The following OVOL2 variants were observed in gnomAD, a reference collection of about 807,000 sequenced individuals.
OVOL2 encodes transcription factor Ovo-like 2.
A neutral mutation model predicts 18.1 loss-of-function variants in OVOL2; 13 were observed. That is an observed-to-expected ratio of 0.72 (90% CI 0.47 to 1.14). The LOEUF is 1.14. Ranked by LOEUF, OVOL2 falls within the 50% of genes most tolerant of loss-of-function variation. OVOL2 has a pLI of 0.00. For missense variants in OVOL2, 335 were observed against 383.0 expected (o/e 0.87, Z 1.05); for synonymous variants, 166 against 162.7 (o/e 1.02, Z -0.16).
At chr20:18,034,456 C>G (rs1012702762) in intron 3 of OVOL2, among the ~76,000 whole-genome samples, 2 of 152,172 alleles carry the variant, frequency 1.3e-5, no homozygotes, top group African/African-American at 4.8e-5. Context: ...TGACAGCCCT[C>G]CCTCAATAAA....
intron 2 of OVOL2, among the ~76,000 whole-genome samples, chr20:18,043,250 C>T (rs1390121339): frequency 6.6e-6 from 1 of 152,192 alleles, no homozygotes; most frequent in Admixed American, 6.5e-5. Context: ...CCTCCTTGTG[C>T]CTGCATCCTG....
intron 2 of OVOL2, among the ~76,000 whole-genome samples, chr20:18,053,880 C>T (rs953045785): frequency 6.6e-6 from 1 of 152,108 alleles, no homozygotes; most frequent in Admixed American, 6.6e-5. Context: ...CCCAGCAAGC[C>T]CTGTTTCCTA....
intron 3 of OVOL2, among the ~76,000 whole-genome samples, chr20:18,037,150 A>AAGAAAAAAAAAG (rs1555795021): frequency 2.7e-5 from 4 of 147,146 alleles, no homozygotes; most frequent in Non-Finnish European, 4.5e-5. Context: ...AAAAAAAAAA[A>AAGAAAAAAAAAG]AAAGAAAGAA....
chr20:18,031,686 C>A (rs1202411365), intron 3 of OVOL2, among the ~76,000 whole-genome samples: 1 of 152,224 alleles, frequency 6.6e-6, no homozygotes, highest in East Asian at 1.9e-4. Flanking sequence ...TTACTTATTT[C>A]ACAACAAAAG....
chr20:18,057,711 C>A lies in OVOL2; in HGVS notation c.-77G>T. 1 of 1,467,442 alleles carries A rather than the reference C, an allele frequency of 6.8e-7. No individual in the cohort carries two copies. The highest frequency in any genetic ancestry group is 9.0e-7 in the Non-Finnish European group (1 of 1,111,488). 90.9% of individuals were successfully genotyped at this position (1,467,442 alleles called of 1,614,324 possible). ...TAGGGGCAACGGCGGCGGCTCCGTC[C>A]CCGGCTCCCGGCGGCCAGAGCCCAC... On this transcript the variant is annotated 5_prime_UTR_variant, in exon 1 of 4. The change creates a premature stop within an existing upstream ORF in the 5' untranslated region. Coordinates refer to ENST00000278780, the MANE Select transcript of OVOL2 (RefSeq NM_021220.4). This position sits in a 1 kb window ranked among gnomAD's most constrained non-coding sequence, Gnocchi z 6.3.
chr20:18,031,481 G>A (rs117504660), intron 3 of OVOL2, among the ~76,000 whole-genome samples: 5,635 of 152,226 alleles, frequency 0.037, 312 homozygotes, highest in African/African-American at 0.11. Flanking sequence ...GGAGGCCAGG[G>A]CAGGAGAATC....
At position 18,037,719 on chromosome 20, in the gene OVOL2, T is replaced by G. The variant is rs76349594; in HGVS notation, c.511+3815A>C. Among the ~76,000 whole-genome samples, 564 of 152,284 alleles carry G rather than the reference T, an allele frequency of 3.7e-3. 6 individuals are homozygous for G. Among genetic ancestry groups the G allele is most frequent in the African/African-American group, 0.013 (553 of 41,552 alleles). ...TGGACACCCAAGGAGGGATGGGGGT[T>G]GATTGAGCAACCTGGGGTGCATTCT... On this transcript the variant is annotated intron_variant, in intron 3 of 3. Transcript: ENST00000278780.
chr20:18,044,470 C>T (rs1054885148), intron 2 of OVOL2, among the ~76,000 whole-genome samples: 1 of 152,182 alleles, frequency 6.6e-6, no homozygotes, highest in Non-Finnish European at 1.5e-5. Flanking sequence ...TGCAGAGAGT[C>T]TCAAGGGAGG....
rs191576539 is a variant in OVOL2 at position 18,041,728 on chromosome 20, G to C, written c.322-5C>G. On this transcript the variant is annotated splice_polypyrimidine_tract_variant and splice_region_variant and intron_variant, in intron 2 of 3. Transcript: ENST00000278780. ...GCTGCACGTGCCTGTGGTGAACTGG[G>C]GGCAGAGAGAGGCCATGAGGGTCCC... is the stretch of plus-strand genomic sequence containing the variant. 1.2e-6 allele frequency: 2 copies of C among 1,607,786 alleles called. No individual in the cohort carries two copies. The highest frequency in any genetic ancestry group is 1.7e-6 in the Non-Finnish European group (2 of 1,175,644).
intron 2 of OVOL2, among the ~76,000 whole-genome samples, chr20:18,051,627 T>C (rs73899398): frequency 0.082 from 12,545 of 152,200 alleles, 1,262 homozygotes; most frequent in African/African-American, 0.23. Flanking sequence ...CATTATCCAA[T>C]AGAACTTTTT....
At chr20:18,042,219 T>A (rs982773926) in intron 2 of OVOL2, among the ~76,000 whole-genome samples, 51 of 151,914 alleles carry the variant, frequency 3.4e-4, no homozygotes, top group Non-Finnish European at 2.9e-5. Context: ...AGCCAGTTGC[T>A]CCCACTTTTT....
chr20:18,039,607 C>CAAAAAGAAA (rs2036650351), intron 3 of OVOL2, among the ~76,000 whole-genome samples: 1 of 87,058 alleles, frequency 1.1e-5, no homozygotes, highest in African/African-American at 4.0e-5. Context: ...GACGCTGTCT[C>CAAAAAGAAA]AAAAAAAAAA....
In OVOL2 at chr20:18,024,527, ACTGGT is replaced by A. The variant is rs564444353; in HGVS notation, c.*104_*108del. 191 of 1,454,140 alleles carry A rather than the reference ACTGGT, an allele frequency of 1.3e-4. No individual in the cohort carries two copies. In the African/African-American group the frequency reaches 2.5e-3, roughly 19 times the overall value. The allele number at this position is 1,454,140 out of a possible 1,614,324, so 90.1% of individuals were successfully genotyped here. A position where few individuals can be genotyped will look rare whatever the true frequency, so the allele number is the denominator to read the frequency against. On this transcript the variant is annotated 3_prime_UTR_variant, in exon 4 of 4. Coordinates refer to ENST00000278780, the MANE Select transcript of OVOL2 (RefSeq NM_021220.4). ...ATGTTTCAAAAGGACACAGAGGTGA[ACTGGT>A]CACTTCTAATTAAGAAGAGCCAGTG... is the stretch of plus-strand genomic sequence containing the variant.
At chr20:18,038,716 C>T (rs745640136) in intron 3 of OVOL2, among the ~76,000 whole-genome samples, 35 of 152,036 alleles carry the variant, frequency 2.3e-4, no homozygotes, top group Non-Finnish European at 4.0e-4. Flanking sequence ...AGGGAATGCC[C>T]TCAAGGACAT....
chr20:18,044,732 T>C (rs1429242827), intron 2 of OVOL2, among the ~76,000 whole-genome samples: 1 of 152,106 alleles, frequency 6.6e-6, no homozygotes, highest in Non-Finnish European at 1.5e-5. Flanking sequence ...AGGGGGCACC[T>C]ACCCCAGACC....
Position 18,056,613 on chromosome 20 carries a change from A to T in OVOL2, c.321+44T>A. ...GCGCCGGCCTCGGGAGCCCGACGCC[A>T]GGGCGTGGTGCAGGTGGCGGCGGGG... On this transcript the variant is annotated intron_variant, in intron 2 of 3. Coordinates refer to ENST00000278780, the MANE Select transcript of OVOL2 (RefSeq NM_021220.4). The surrounding 1 kb of genome is among the most constrained non-coding windows in gnomAD (Gnocchi z 4.2). 1 of 1,332,680 alleles carries T rather than the reference A, an allele frequency of 7.5e-7. No individual in the cohort carries two copies. The highest frequency in any genetic ancestry group is 9.6e-7 in the Non-Finnish European group (1 of 1,038,666). The allele number at this position is 1,332,680 out of a possible 1,614,324, so 82.6% of individuals were successfully genotyped here.
Position 18,057,403 on chromosome 20 carries a change from G to T in OVOL2, c.100+132C>A. On this transcript the variant is annotated intron_variant, in intron 1 of 3. Coordinates refer to ENST00000278780, the MANE Select transcript of OVOL2 (RefSeq NM_021220.4). The surrounding 1 kb of genome is among the most constrained non-coding windows in gnomAD (Gnocchi z 6.3). ...ATTGCCTGCCCTAACCCGCCTAGAA[G>T]ACCCCCGCGTGCCCCCCGGAAGAGG... is the stretch of plus-strand genomic sequence containing the variant. 1 of 1,063,462 alleles carries T rather than the reference G, an allele frequency of 9.4e-7. No homozygotes were observed. The highest frequency in any genetic ancestry group is 1.3e-6 in the Non-Finnish European group (1 of 745,716). The allele number at this position is 1,063,462 out of a possible 1,614,324, so 65.9% of individuals were successfully genotyped here. A position where few individuals can be genotyped will look rare whatever the true frequency, so the allele number is the denominator to read the frequency against.
intron 3 of OVOL2, among the ~76,000 whole-genome samples, chr20:18,032,776 G>A (rs1488740901): frequency 6.6e-6 from 1 of 152,096 alleles, no homozygotes; most frequent in Non-Finnish European, 1.5e-5. Flanking sequence ...CAAAGTGCGG[G>A]GATTACAGGT....
chr20:18,050,164 C>T (rs1009453901), intron 2 of OVOL2, among the ~76,000 whole-genome samples: 1 of 152,228 alleles, frequency 6.6e-6, no homozygotes, highest in Admixed American at 6.5e-5. Flanking sequence ...CCTTCCTGCA[C>T]CGCCGAAGCT....
Sources: gnomAD v4.1 joint callset for allele counts (sites outside exome capture counted in the v4.1 genomes callset) on GRCh38, gnomAD v4.1.1 for gene constraint, Gnocchi (gnomAD v3.1) non-coding constraint, MANE v1.5 for transcripts, NCBI Gene and HGNC (gene_info 2026-07-23, HGNC 2026-07-21) for gene names.